The following PLIN5 variants were observed in gnomAD, a reference collection of about 807,000 sequenced individuals.
PLIN5 encodes perilipin 5.
In PLIN5, 34 loss-of-function variants were observed where a neutral mutation model predicts 32.8. The observed-to-expected ratio is 1.04, with a 90% confidence interval of 0.79 to 1.38. The LOEUF (loss-of-function observed/expected upper bound fraction) is 1.38. Among genes scored for constraint, PLIN5 ranks in the 40% most tolerant of loss-of-function variants. PLIN5 has a pLI of 0.00. For missense variants in PLIN5, 712 were observed against 660.5 expected (o/e 1.08, Z -0.85); for synonymous variants, 309 against 292.9 (o/e 1.05, Z -0.56).
chr19:4,534,183 C>A, intron 1 of PLIN5, 88 bp from the exon 2 acceptor site: 1 of 1,078,030 alleles, frequency 9.3e-7, no homozygotes, highest in Non-Finnish European at 1.4e-6. Flanking sequence ...ACTCTCAAAC[C>A]TCTTGGGGCC....
At chr19:4,533,793 C>A in intron 2 of PLIN5, 1 of 593,562 alleles carries the variant, frequency 1.7e-6, no homozygotes, top group South Asian at 2.1e-5. Context: ...GTAGGGGCCA[C>A]AGAAGCCAGC....
In PLIN5 at chr19:4,531,610, C is replaced by G. The variant is rs993577992; in HGVS notation, c.256+17G>C. On this transcript the variant is annotated intron_variant, in intron 3 of 7. Coordinates refer to ENST00000381848, the MANE Select transcript of PLIN5 (RefSeq NM_001013706.3). ...TGGCAAGCCACAGCTCCCAGGGACA[C>G]GGGCCAGGGCACTCACGCTGGGGCT... 8 of 1,485,952 alleles carry G rather than the reference C, an allele frequency of 5.4e-6. No individual in the cohort carries two copies. The African/African-American group carries it at 1.1e-4, about 21-fold the overall frequency. 92.0% of individuals were successfully genotyped at this position (1,485,952 alleles called of 1,614,324 possible). A position where few individuals can be genotyped will look rare whatever the true frequency, so the allele number is the denominator to read the frequency against.
intron 3 of PLIN5, 66 bp from the exon 4 acceptor site, chr19:4,529,932 G>C: frequency 9.9e-7 from 1 of 1,007,672 alleles, no homozygotes; most frequent in Non-Finnish European, 1.5e-6. Flanking sequence ...CGCAGTGAGA[G>C]TTGTAGAAGG....
intron 5 of PLIN5, among the ~76,000 whole-genome samples, chr19:4,526,161 C>T (rs116570526): frequency 2.2e-4 from 34 of 152,292 alleles, no homozygotes; most frequent in African/African-American, 7.0e-4. Context: ...AGGTGAGATC[C>T]TGCAGGATCC....
rs764473017 is a variant in PLIN5, at chr19:4,525,003, T to TC, written c.793dup (p.Glu265GlyfsTer54). On this transcript the variant is annotated frameshift_variant, in exon 7 of 8. Coordinates refer to ENST00000381848, the MANE Select transcript of PLIN5 (RefSeq NM_001013706.3). LOFTEE classifies it low-confidence loss of function (END_TRUNC). This position sits in a 1 kb window ranked among gnomAD's most constrained non-coding sequence, Gnocchi z 5.6. ...GCTCTCCGGAGGGCGCTGGCCCCATTCCCCCCACAGCTCGTGCACCTTCCC... is the reference window on the plus strand; with the variant it reads ...GCTCTCCGGAGGGCGCTGGCCCCATTCCCCCCCACAGCTCGTGCACCTTCCC... The TC allele has an allele frequency of 7.9e-6, 12 of 1,515,098 alleles. No homozygotes were observed. Among genetic ancestry groups the TC allele is most frequent in the East Asian group, 2.7e-5 (1 of 37,236 alleles). 93.9% of individuals were successfully genotyped at this position (1,515,098 alleles called of 1,614,324 possible).
chr19:4,529,544 GTA>G (rs757945676), intron 4 of PLIN5: 3 of 406,746 alleles, frequency 7.4e-6, no homozygotes, highest in Non-Finnish European at 1.2e-5. Flanking sequence ...ATACTTATAC[GTA>G]TATATACATA....
chr19:4,523,886 G>C lies in PLIN5; in HGVS notation c.1034C>G (p.Ala345Gly), dbSNP rs757461297. The change falls in exon 8 of 8, where the codon GCC becomes GGC. Residue 345 changes from alanine to glycine, a missense_variant. Transcript: ENST00000381848. The surrounding 1 kb of genome is among the most constrained non-coding windows in gnomAD (Gnocchi z 5.0). ...GTGGGCCACGCGACCCCGGCCCTCG[G>C]CCAGCGCGGCCGCTGGCACGTCCCT... ...CFRDVPAAAL[A>G]EGRGRVAHAH... 5 of 1,512,730 alleles carry C rather than the reference G, an allele frequency of 3.3e-6. No homozygotes were observed. The highest frequency in any genetic ancestry group is 2.2e-5 in the Admixed American group (1 of 45,476). 93.7% of individuals were successfully genotyped at this position (1,512,730 alleles called of 1,614,324 possible).
Position 4,523,700 on chromosome 19 carries a change from C to T in PLIN5, c.1220G>A (p.Trp407Ter), listed in dbSNP as rs761956600. 1.6e-5 allele frequency: 25 copies of T among 1,604,584 alleles called. No homozygotes were observed. The highest frequency in any genetic ancestry group is 2.1e-5 in the Non-Finnish European group (25 of 1,179,672). Residue 407 changes from tryptophan (W) to a stop codon, truncating the protein, a stop_gained, in exon 8 of 8, where the codon TGG becomes TAG. Coordinates refer to ENST00000381848, the MANE Select transcript of PLIN5 (RefSeq NM_001013706.3). LOFTEE classifies it low-confidence loss of function (END_TRUNC). The surrounding 1 kb of genome is among the most constrained non-coding windows in gnomAD (Gnocchi z 5.0). ...DEVIGGPDPR[W>*]AHLDWPAQQR... ...CTGGGCCGGCCAGTCCAGGTGCGCC[C>T]AGCGGGGGTCAGGGCCCCCGATGAC...
intron 4 of PLIN5, 178 bp downstream of exon 4, chr19:4,529,606 T>TACTTATAC (rs1491369467): frequency 8.7e-5 from 35 of 400,262 alleles, no homozygotes; most frequent in Non-Finnish European, 1.4e-4. Context: ...TATACATATA[T>TACTTATAC]GTATACACAC....
At position 4,529,093 on chromosome 19, in the gene PLIN5, G is replaced by A; in HGVS notation, c.500C>T (p.Pro167Leu). The stretch of plus-strand genomic sequence containing the variant: ...CTCACCGAGCTCTTCCTCCGTCATG[G>A]GCAGGAAGTGATCCACCAGCTCCTC... ...KSEELVDHFL[P>L]MTEEELAALA... The change falls in exon 5 of 8, where the codon CCC becomes CTC. Residue 167 changes from proline to leucine, a missense_variant. Pro to Leu is a moderately conservative substitution (Grantham distance 98). Transcript: ENST00000381848. The A allele has an allele frequency of 3.1e-6, 5 of 1,613,250 alleles. No individual in the cohort carries two copies. The highest frequency in any genetic ancestry group is 4.2e-6 in the Non-Finnish European group (5 of 1,179,954).
In PLIN5 at chr19:4,525,050, G is replaced by A. The variant is rs975513255; in HGVS notation, c.747C>T (p.Thr249=). 1.4e-6 allele frequency: 2 copies of A among 1,448,308 alleles called. No homozygotes were observed. The highest frequency in any genetic ancestry group is 1.4e-5 in the South Asian group (1 of 71,138). 89.7% of individuals were successfully genotyped at this position (1,448,308 alleles called of 1,614,324 possible). A position where few individuals can be genotyped will look rare whatever the true frequency, so the allele number is the denominator to read the frequency against. The stretch of plus-strand genomic sequence containing the variant: ...TCCCAGGGCAGGCCGGGGCGGTGGG[G>A]GTCACCCCACACTGCATGTGGTCTA... ...ELIDHMQCGV[T]PTAPACPGKV... is the part of the protein sequence containing the mutation. The change falls in exon 7 of 8, where the codon ACC becomes ACT. Residue 249 remains threonine, a synonymous_variant. Coordinates refer to ENST00000381848, the MANE Select transcript of PLIN5 (RefSeq NM_001013706.3). This position sits in a 1 kb window ranked among gnomAD's most constrained non-coding sequence, Gnocchi z 5.6.
chr19:4,523,720 G>A lies in PLIN5; in HGVS notation c.1200C>T (p.Ile400=), dbSNP rs772054020. The A allele has an allele frequency of 1.5e-5, 24 of 1,602,678 alleles. No individual in the cohort carries two copies. The highest frequency in any genetic ancestry group is 2.2e-5 in the East Asian group (1 of 44,864). The change falls in exon 8 of 8, where the codon ATC becomes ATT. Residue 400 remains isoleucine, a synonymous_variant. Transcript: ENST00000381848. This position sits in a 1 kb window ranked among gnomAD's most constrained non-coding sequence, Gnocchi z 5.0. ...PDLADLVDEV[I]GGPDPRWAHL... ...GCGCCCAGCGGGGGTCAGGGCCCCC[G>A]ATGACCTCGTCCACCAGGTCCGCCA...
intron 1 of PLIN5, 42 bp from the exon 2 acceptor site, chr19:4,534,137 T>C (rs766574564): frequency 4.3e-5 from 66 of 1,534,440 alleles, no homozygotes; most frequent in Non-Finnish European, 5.3e-5. Context: ...TGCCCAGGCA[T>C]CAGATCCTGT....
chr19:4,529,889 TGAGACTCGGG>T, intron 3 of PLIN5, 23 bp from the exon 4 acceptor site: 1 of 1,533,012 alleles, frequency 6.5e-7, no homozygotes, highest in Non-Finnish European at 8.9e-7. Flanking sequence ...AGGCGGGGAG[TGAGACTCGGG>T]GAGACGCAGA....
Position 4,526,225 on chromosome 19 carries a change from A to AT in PLIN5, c.521-394dup, listed in dbSNP as rs111572176. On this transcript the variant is annotated intron_variant, in intron 5 of 7. Transcript: ENST00000381848. The stretch of plus-strand genomic sequence containing the variant: ...CACGTTGGTCCCAAACTGCTTAACC[A>AT]TTTTTTTTTTCTTTGAGATGGAGTC... 7.1e-4 allele frequency among the ~76,000 whole-genome samples: 106 copies of AT among 148,800 alleles called. 1 individual carries two copies. The highest frequency in any genetic ancestry group is 1.0e-3 in the Admixed American group (15 of 14,868).
Position 4,531,924 on chromosome 19 carries a change from T to G in PLIN5, c.61-102A>C, listed in dbSNP as rs567893497. ...TGGGCCAGGACGAGGGATGGGAGAGTGGAAGGATGGAGTACTGAGCACCCC... is the reference window on the plus strand; with the variant it reads ...TGGGCCAGGACGAGGGATGGGAGAGGGGAAGGATGGAGTACTGAGCACCCC... On this transcript the variant is annotated intron_variant, in intron 2 of 7. Coordinates refer to ENST00000381848, the MANE Select transcript of PLIN5 (RefSeq NM_001013706.3). 10 of 1,241,120 alleles carry G rather than the reference T, an allele frequency of 8.1e-6. No homozygotes were observed. In the South Asian group the frequency reaches 1.5e-4, roughly 19 times the overall value. The allele number at this position is 1,241,120 out of a possible 1,614,324, so 76.9% of individuals were successfully genotyped here. A position where few individuals can be genotyped will look rare whatever the true frequency, so the allele number is the denominator to read the frequency against.
rs986282886 is a variant in PLIN5 at position 4,523,204 on chromosome 19, C to T, written c.*324G>A. ...ACTCCCAAAGTGCTGGGATTACAGG[C>T]GTGAGCCACTGTGCCCAGCCTCTTG... On this transcript the variant is annotated 3_prime_UTR_variant, in exon 8 of 8. Transcript: ENST00000381848. This position sits in a 1 kb window ranked among gnomAD's most constrained non-coding sequence, Gnocchi z 5.0. 11 of 249,640 alleles carry T rather than the reference C, an allele frequency of 4.4e-5. No homozygotes were observed. The East Asian group carries it at 6.1e-4, about 14-fold the overall frequency. 15.5% of individuals were successfully genotyped at this position (249,640 alleles called of 1,614,324 possible). A position where few individuals can be genotyped will look rare whatever the true frequency, so the allele number is the denominator to read the frequency against.
At position 4,523,928 on chromosome 19, in the gene PLIN5, G is replaced by A. The variant is rs775201702; in HGVS notation, c.992C>T (p.Ala331Val). 2 of 1,529,476 alleles carry A rather than the reference G, an allele frequency of 1.3e-6. No individual in the cohort carries two copies. The highest frequency in any genetic ancestry group is 2.4e-5 in the South Asian group (2 of 83,008). 94.7% of individuals were successfully genotyped at this position (1,529,476 alleles called of 1,614,324 possible). ...RSVDALQTAF[A>V]DARCFRDVPA... ...CACGTCCCTGAAGCAGCGGGCATCA[G>A]CGAAGGCGGTCTGCAGGGCATCCAC... Residue 331 changes from alanine to valine, a missense_variant, in exon 8 of 8, where the codon GCT becomes GTT. By Grantham distance (64) the Ala-to-Val change is moderately conservative (BLOSUM62 0). Transcript: ENST00000381848. The surrounding 1 kb of genome is among the most constrained non-coding windows in gnomAD (Gnocchi z 5.0).
rs1302171028 is a variant in PLIN5 at position 4,525,002 on chromosome 19, T to C, written c.795A>G (p.Glu265=). ...GGCTCTCCGGAGGGCGCTGGCCCCA[T>C]TCCCCCCACAGCTCGTGCACCTTCC... is the stretch of plus-strand genomic sequence containing the variant. The part of the protein sequence containing the change: ...CPGKVHELWG[E]WGQRPPESRR... The change falls in exon 7 of 8, where the codon GAA becomes GAG. Residue 265 remains glutamate (E), a synonymous_variant. Transcript: ENST00000381848. This position sits in a 1 kb window ranked among gnomAD's most constrained non-coding sequence, Gnocchi z 5.6. 3 of 1,519,632 alleles carry C rather than the reference T, an allele frequency of 2.0e-6. No homozygotes were observed. The highest frequency in any genetic ancestry group is 1.8e-6 in the Non-Finnish European group (2 of 1,134,122). The allele number at this position is 1,519,632 out of a possible 1,614,324, so 94.1% of individuals were successfully genotyped here.
Sources: allele counts gnomAD v4.1 joint callset (sites outside exome capture counted in the v4.1 genomes callset), GRCh38; gene constraint gnomAD v4.1.1; non-coding constraint Gnocchi (gnomAD v3.1); transcripts MANE v1.5; gene names NCBI Gene and HGNC (gene_info 2026-07-23, HGNC 2026-07-21).